Variants in MRTFB observed in about 807,000 individuals in gnomAD.
MRTFB encodes the protein myocardin related transcription factor B.
MRTFB carries 29 observed loss-of-function variants against 104.2 expected under a neutral mutation model. The observed-to-expected ratio is 0.28, with a 90% confidence interval of 0.21 to 0.38. The LOEUF (loss-of-function observed/expected upper bound fraction) is 0.38. Ranked by LOEUF, MRTFB falls within the 10% of genes least tolerant of loss-of-function variation. The pLI is 1.00. For synonymous variants in MRTFB, 535 were observed against 519.5 expected, an observed-to-expected ratio of 1.03 and a Z score of -0.41; for missense variants, 1,270 against 1,341.6, an observed-to-expected ratio of 0.95 and a Z score of 0.83.
At chr16:14,203,804 GAAAAAAAA>G (rs908323645) in intron 3 of MRTFB, among the ~76,000 whole-genome samples, 8 of 46,572 alleles carry the variant, frequency 1.7e-4, no homozygotes, top group East Asian at 5.5e-4. Context: ...ACTCTGTCTC[GAAAAAAAA>G]AAAAAAAAAA....
chr16:14,082,587 A>G (rs1482362286), intron 2 of MRTFB, among the ~76,000 whole-genome samples: 1 of 152,170 alleles, frequency 6.6e-6, no homozygotes, highest in Admixed American at 6.5e-5. Context: ...GTTCGAGACC[A>G]GCTGGGTGAC....
intron 2 of MRTFB, among the ~76,000 whole-genome samples, chr16:14,105,645 C>T (rs2035937170): frequency 6.6e-6 from 1 of 152,146 alleles, no homozygotes; most frequent in South Asian, 2.1e-4. Flanking sequence ...GTGATCCTCT[C>T]ACCTCAGCCT....
At chr16:14,200,758 A>C in intron 3 of MRTFB, 1 of 1,480,466 alleles carries the variant, frequency 6.8e-7, no homozygotes, top group Non-Finnish European at 9.4e-7. Context: ...TTGCCTGTCC[A>C]GTGCTGTGGG....
At chr16:14,009,441 G>A in the MRTFB span, 1 of 152,124 alleles carries the variant, frequency 6.6e-6, no homozygotes, top group East Asian at 1.9e-4. Context: ...TATGTACAAG[G>A]TTATGACAAC....
rs1485131537 is a variant in MRTFB, at chr16:14,264,339, G to C, written c.*2895G>C. Reference sequence around the variant, plus strand: ...GTAGATAGTCAGATCATCCTACTGGGGGTGGGATGAATTTAAAAGTTATAC... The same window carrying C: ...GTAGATAGTCAGATCATCCTACTGGCGGTGGGATGAATTTAAAAGTTATAC... On this transcript the variant is annotated 3_prime_UTR_variant, in exon 17 of 17. Coordinates refer to ENST00000571589, the MANE Select transcript of MRTFB (RefSeq NM_001308142.2). The C allele has an allele frequency of 6.6e-6, 1 of 152,164 alleles. No homozygotes were observed. Among genetic ancestry groups the C allele is most frequent in the Non-Finnish European group, 1.5e-5 (1 of 68,034 alleles). 9.4% of individuals were successfully genotyped at this position (152,164 alleles called of 1,614,324 possible).
intron 5 of MRTFB, 26 bp downstream of exon 5, chr16:14,212,435 C>G: frequency 6.2e-7 from 1 of 1,602,918 alleles, no homozygotes; most frequent in Non-Finnish European, 8.5e-7. Flanking sequence ...TTAAAATGTT[C>G]TACTTCTCTC....
intron 3 of MRTFB, among the ~76,000 whole-genome samples, chr16:14,203,953 G>GT (rs1263634691): frequency 4.0e-5 from 6 of 151,830 alleles, no homozygotes; most frequent in South Asian, 2.1e-4. Context: ...TAAAGGTTTT[G>GT]TTTTGTGTGT....
intron 7 of MRTFB, among the ~76,000 whole-genome samples, chr16:14,218,422 T>A (rs1436095660): frequency 6.6e-6 from 1 of 152,162 alleles, no homozygotes; most frequent in African/African-American, 2.4e-5. Context: ...ACACGTTGCC[T>A]CTGCCTGATA....
upstream of MRTFB, among the ~76,000 whole-genome samples, chr16:14,069,482 C>G (rs368098853): frequency 6.9e-4 from 105 of 152,258 alleles, no homozygotes; most frequent in African/African-American, 2.4e-3. Context: ...TCTTATGAAT[C>G]TATATAGTTT....
chr16:14,249,369 A>T (rs544311527), intron 13 of MRTFB, among the ~76,000 whole-genome samples: 3 of 152,354 alleles, frequency 2.0e-5, no homozygotes, highest in Admixed American at 6.5e-5. Context: ...CATATATTAA[A>T]TTTACTGAAT....
rs568261040 is a variant in MRTFB at position 14,183,188 on chromosome 16, G to T, written c.155-27055G>T. The stretch of plus-strand genomic sequence containing the variant: ...TGTGTATTACCTGATAGGATGCAAA[G>T]ATTGCATCATTATTTCTGGGGTATT... On this transcript the variant is annotated intron_variant, in intron 3 of 16. Coordinates refer to ENST00000571589, the MANE Select transcript of MRTFB (RefSeq NM_001308142.2). Among the ~76,000 whole-genome samples the T allele has an allele frequency of 9.2e-5, 14 of 152,296 alleles. No homozygotes were observed. The South Asian group carries it at 1.7e-3, about 18-fold the overall frequency.
At chr16:14,145,766 TC>T (rs1365879226) in intron 3 of MRTFB, among the ~76,000 whole-genome samples, 1 of 152,244 alleles carries the variant, frequency 6.6e-6, no homozygotes, top group Non-Finnish European at 1.5e-5. Flanking sequence ...ACACGTTAGA[TC>T]CATCTTTCTC....
chr16:14,033,729 TG>T, the MRTFB span, among the ~76,000 whole-genome samples: 4 of 150,194 alleles, frequency 2.7e-5, no homozygotes, highest in African/African-American at 4.9e-5. Flanking sequence ...CCCAGTTACT[TG>T]GGAGTCTGAG....
At position 14,246,653 on chromosome 16, in the gene MRTFB, T is replaced by C; in HGVS notation, c.1393T>C (p.Leu465=). The C allele has an allele frequency of 6.2e-7, 1 of 1,614,178 alleles. No homozygotes were observed. The highest frequency in any genetic ancestry group is 8.5e-7 in the Non-Finnish European group (1 of 1,180,026). ...CAGTAACCCAGAAGTCACTGTGGCC[T>C]TGCCGGTTACAACACTACACAACAC... ...VTSNPEVTVA[L]PVTTLHNTVT... The change falls in exon 12 of 17, where the codon TTG becomes CTG. Residue 465 remains leucine, a synonymous_variant. Coordinates refer to ENST00000571589, the MANE Select transcript of MRTFB (RefSeq NM_001308142.2).
At chr16:14,107,062 GA>G (rs1567329468) in intron 2 of MRTFB, among the ~76,000 whole-genome samples, 1 of 151,996 alleles carries the variant, frequency 6.6e-6, no homozygotes, top group Non-Finnish European at 1.5e-5. Flanking sequence ...TGAAAACTCA[GA>G]AAAAAAATTT....
intron 3 of MRTFB, among the ~76,000 whole-genome samples, chr16:14,156,547 G>A (rs2038834498): frequency 6.6e-6 from 1 of 152,196 alleles, no homozygotes; most frequent in South Asian, 2.1e-4. Context: ...GACTGTCATA[G>A]AAGATACCGT....
At chr16:14,025,550 G>C in the MRTFB span, among the ~76,000 whole-genome samples, 1 of 152,124 alleles carries the variant, frequency 6.6e-6, no homozygotes. Flanking sequence ...CTGACTTAAG[G>C]TAGGAAAAAG....
intron 7 of MRTFB, 74 bp from the exon 8 acceptor site, chr16:14,218,745 TG>T: frequency 7.0e-7 from 1 of 1,418,970 alleles, no homozygotes; most frequent in Non-Finnish European, 9.5e-7. Flanking sequence ...TAGGAAACAA[TG>T]TTTTCCTCCT....
At chr16:14,059,837 G>C in the MRTFB span, among the ~76,000 whole-genome samples, 3 of 152,036 alleles carry the variant, frequency 2.0e-5, no homozygotes, top group African/African-American at 7.2e-5. Flanking sequence ...GGAGAGATAA[G>C]CAGGGGCCTT....
Sources: gnomAD v4.1 joint callset for allele counts (sites outside exome capture counted in the v4.1 genomes callset) on GRCh38, gnomAD v4.1.1 for gene constraint, MANE v1.5 for transcripts, NCBI Gene and HGNC (gene_info 2026-07-23, HGNC 2026-07-21) for gene names.